CAPN14: variants seen among roughly 807,000 people sequenced by gnomAD.
The protein encoded by CAPN14 is calpain-14.
A neutral mutation model predicts 101.3 loss-of-function variants in CAPN14; 94 were observed. The observed-to-expected ratio is 0.93, with a 90% confidence interval of 0.79 to 1.10. CAPN14 has a LOEUF of 1.10. Among genes scored for constraint, CAPN14 ranks in the 50% least tolerant of loss-of-function variants. The pLI, the probability that CAPN14 is intolerant of heterozygous loss-of-function variation, is 0.00. For synonymous variants in CAPN14, 338 were observed against 317.9 expected, an observed-to-expected ratio of 1.06 and a Z score of -0.67; for missense variants, 837 against 828.4, an observed-to-expected ratio of 1.01 and a Z score of -0.13.
chr2:31,195,737 A>G (rs1442587482), intron 8 of CAPN14, among the ~76,000 whole-genome samples: 1 of 152,208 alleles, frequency 6.6e-6, no homozygotes, highest in Non-Finnish European at 1.5e-5. Context: ...GTTTGTCTTG[A>G]CCTTCCCTAA....
chr2:31,206,794 A>T (rs1682122158), intron 1 of CAPN14, among the ~76,000 whole-genome samples: 5 of 152,164 alleles, frequency 3.3e-5, no homozygotes, highest in South Asian at 2.1e-4. Context: ...TACAGTTGCA[A>T]AACCACTAAT....
rs1183751104 is a variant in CAPN14 at position 31,188,360 on chromosome 2, A to G, written c.1494-6T>C. 1.2e-5 allele frequency: 18 copies of G among 1,551,028 alleles called. No homozygotes were observed. Among genetic ancestry groups the G allele is most frequent in the Non-Finnish European group, 1.6e-5 (18 of 1,146,622 alleles). On this transcript the variant is annotated splice_polypyrimidine_tract_variant and splice_region_variant and intron_variant, in intron 13 of 21. Transcript: ENST00000403897. ...CAGAATTGCTGCCAATTTCACTGAG[A>G]ACAAACAAACAAGAACAAACTCAGA...
intron 20 of CAPN14, 91 bp from the exon 21 acceptor site, chr2:31,176,733 T>A (rs562284453): frequency 9.0e-6 from 11 of 1,224,506 alleles, no homozygotes; most frequent in Middle Eastern, 1.9e-4. Context: ...CTTAACCACA[T>A]CCATTCTGAA....
At chr2:31,204,221 T>A (rs1681953019) in intron 2 of CAPN14, among the ~76,000 whole-genome samples, 1 of 152,126 alleles carries the variant, frequency 6.6e-6, no homozygotes, top group Admixed American at 6.6e-5. Flanking sequence ...CACCCTTGGT[T>A]TTTTCCATCT....
At chr2:31,180,612 C>T (rs1280055510) in intron 17 of CAPN14, among the ~76,000 whole-genome samples, 3 of 152,140 alleles carry the variant, frequency 2.0e-5, no homozygotes, top group Non-Finnish European at 4.4e-5. Context: ...CTAACCACCA[C>T]CTTCTAGCTG....
chr2:31,213,236 C>G (rs1410896598), intron 1 of CAPN14, among the ~76,000 whole-genome samples: 2 of 152,156 alleles, frequency 1.3e-5, no homozygotes, highest in African/African-American at 4.8e-5. Context: ...GCTTCCTCAC[C>G]CTCAATATGG....
intron 8 of CAPN14, among the ~76,000 whole-genome samples, chr2:31,195,752 G>A (rs576285681): frequency 2.0e-5 from 3 of 152,188 alleles, no homozygotes; most frequent in African/African-American, 7.2e-5. Flanking sequence ...CCCTAAAAGT[G>A]CTTAAAAACT....
intron 16 of CAPN14, among the ~76,000 whole-genome samples, chr2:31,181,972 G>A (rs1012100117): frequency 9.9e-5 from 15 of 151,846 alleles, no homozygotes; most frequent in East Asian, 1.9e-4. Flanking sequence ...GAATAGTGCC[G>A]CAATAAACAT....
intron 12 of CAPN14, among the ~76,000 whole-genome samples, chr2:31,190,291 A>C (rs1250904217): frequency 6.6e-6 from 1 of 152,166 alleles, no homozygotes; most frequent in African/African-American, 2.4e-5. Flanking sequence ...TTTATACACA[A>C]CTGCTAACAA....
intron 21 of CAPN14, among the ~76,000 whole-genome samples, chr2:31,175,164 G>GATAA (rs1680228587): frequency 6.6e-6 from 1 of 152,202 alleles, no homozygotes; most frequent in Admixed American, 6.5e-5. Context: ...CCCTCAGAAT[G>GATAA]ATAAAGCTGA....
chr2:31,176,601 G>C lies in CAPN14; in HGVS notation c.2014C>G (p.Leu672Val), dbSNP rs1179577035. ...GCAAGTCTTACCTCTGGCTTCTGGA[G>C]GTATATCCCTTTGCCATCTTGGGTT... Reference protein sequence around the residue: ...NLTQDGKGIYLQKPEWMMMAL... With the variant: ...NLTQDGKGIYVQKPEWMMMAL... The change falls in exon 21 of 22, where the codon CTC becomes GTC. Residue 672 changes from leucine to valine, a missense_variant. Coordinates refer to ENST00000403897, the MANE Select transcript of CAPN14 (RefSeq NM_001145122.2). The C allele has an allele frequency of 1.3e-6, 2 of 1,551,682 alleles. No individual in the cohort carries two copies. Among genetic ancestry groups the C allele is most frequent in the East Asian group, 2.4e-5 (1 of 40,924 alleles).
At chr2:31,177,641 T>G in intron 19 of CAPN14, 105 bp downstream of exon 19, 1 of 794,614 alleles carries the variant, frequency 1.3e-6, no homozygotes, top group Non-Finnish European at 2.1e-6. Context: ...AGAGTAACAC[T>G]GCGTATTAGA....
At chr2:31,232,740 G>A (rs902038493) in intron 1 of CAPN14, among the ~76,000 whole-genome samples, 9 of 152,100 alleles carry the variant, frequency 5.9e-5, no homozygotes, top group East Asian at 1.9e-4. Context: ...CTCCCTAAAC[G>A]CATGGGGATT....
chr2:31,208,361 T>C (rs1424767875), intron 1 of CAPN14, among the ~76,000 whole-genome samples: 1 of 152,122 alleles, frequency 6.6e-6, no homozygotes, highest in African/African-American at 2.4e-5. Flanking sequence ...TTATTGCTTG[T>C]CCTGTGAAAA....
At chr2:31,203,825 T>A (rs1445521039) in intron 2 of CAPN14, among the ~76,000 whole-genome samples, 3 of 152,116 alleles carry the variant, frequency 2.0e-5, no homozygotes, top group Non-Finnish European at 4.4e-5. Flanking sequence ...AAGGAAAGTC[T>A]GTGGCACAGG....
intron 1 of CAPN14, among the ~76,000 whole-genome samples, chr2:31,216,099 C>A (rs987275675): frequency 2.6e-5 from 4 of 152,152 alleles, no homozygotes; most frequent in Non-Finnish European, 4.4e-5. Context: ...TACTTCACAG[C>A]TCTGAACAAA....
chr2:31,176,049 C>T (rs1680271139), intron 21 of CAPN14, among the ~76,000 whole-genome samples: 1 of 152,222 alleles, frequency 6.6e-6, no homozygotes, highest in Non-Finnish European at 1.5e-5. Flanking sequence ...AGGAAATGGG[C>T]TTGGCCATTT....
At chr2:31,233,186 G>A (rs749763129) in intron 1 of CAPN14, among the ~76,000 whole-genome samples, 10 of 152,186 alleles carry the variant, frequency 6.6e-5, no homozygotes, top group Admixed American at 3.9e-4. Flanking sequence ...ATGTAACAAT[G>A]ATTAGTAATA....
At chr2:31,233,842 C>T (rs1271253052) in exon 1 of CAPN14, 2 of 152,090 alleles carry the variant, frequency 1.3e-5, no homozygotes, top group African/African-American at 4.8e-5. Flanking sequence ...CGATTCAAAG[C>T]AGGGAGTGTG....
Sources: gnomAD v4.1 joint callset for allele counts (sites outside exome capture counted in the v4.1 genomes callset) on GRCh38, gnomAD v4.1.1 for gene constraint, MANE v1.5 for transcripts, NCBI Gene and HGNC (gene_info 2026-07-23, HGNC 2026-07-21) for gene names.